The following STAMBP variants were observed in gnomAD, a reference collection of about 807,000 sequenced individuals.
STAMBP encodes the protein STAM binding protein.
A neutral mutation model predicts 50.7 loss-of-function variants in STAMBP; 31 were observed. The ratio of observed to expected loss-of-function variants is 0.61; its 90% CI spans 0.46 to 0.83. STAMBP has a LOEUF of 0.83. STAMBP is among the 40% of genes least tolerant of loss of function. The probability of loss-of-function intolerance (pLI) is 0.00; values close to 1 mark genes in which losing one functional copy is unlikely to be tolerated. For synonymous variants in STAMBP, 211 were observed against 192.4 expected (o/e 1.10, Z -0.80); for missense variants, 472 against 518.9 (o/e 0.91, Z 0.88).
chr2:73,834,217 AAAAAAAAAAAAAAAAAAAAATAT>A (rs1558557227), intron 2 of STAMBP, among the ~76,000 whole-genome samples: 2 of 16,286 alleles, frequency 1.2e-4, no homozygotes, highest in Non-Finnish European at 1.0e-4. Flanking sequence ...CTTAAAAAAA[AAAAAAAAAAAAAAAAAAAAATAT>A]ATATATATAT....
intron 2 of STAMBP, among the ~76,000 whole-genome samples, chr2:73,838,598 G>A (rs1294441667): frequency 6.6e-6 from 1 of 152,156 alleles, no homozygotes; most frequent in Non-Finnish European, 1.5e-5. Context: ...AGAGGGGATA[G>A]GATTAAGAGT....
chr2:73,834,938 C>T (rs566619389), intron 2 of STAMBP, among the ~76,000 whole-genome samples: 1 of 152,288 alleles, frequency 6.6e-6, no homozygotes, highest in African/African-American at 2.4e-5. Flanking sequence ...CCAGGTAAGG[C>T]TGGAGAGGCA....
In STAMBP at chr2:73,834,223, AAAAAAAAAAAAAAATATATATATAT is replaced by A. The variant is rs1433738844; in HGVS notation, c.203+3166_203+3190del. On this transcript the variant is annotated intron_variant, in intron 2 of 9. Transcript: ENST00000394070. ...AGATCATGTCTTAAAAAAAAAAAAA[AAAAAAAAAAAAAAATATATATATAT>A]ATATATATATATATATATATATATA... Among the ~76,000 whole-genome samples the A allele has an allele frequency of 3.6e-3, 94 of 25,958 alleles. 3 individuals carry two copies. Among genetic ancestry groups the A allele is most frequent in the African/African-American group, 9.7e-3 (89 of 9,144 alleles). 17.0% of individuals were successfully genotyped at this position (25,958 alleles called of 152,430 possible).
chr2:73,873,397 G>A (rs530586142), exon 11 of STAMBP: 33 of 152,316 alleles, frequency 2.2e-4, no homozygotes, highest in African/African-American at 7.7e-4. Flanking sequence ...TTACTACATG[G>A]ATTCCCACTT....
intron 2 of STAMBP, among the ~76,000 whole-genome samples, chr2:73,832,108 T>TATATATATATACAC (rs1006072205): frequency 2.4e-5 from 3 of 122,902 alleles, no homozygotes; most frequent in African/African-American, 7.0e-5. Flanking sequence ...TATATATATA[T>TATATATATATACAC]ACACATATAT....
chr2:73,831,407 C>A (rs1355623302), intron 2 of STAMBP, among the ~76,000 whole-genome samples: 1 of 152,158 alleles, frequency 6.6e-6, no homozygotes, highest in African/African-American at 2.4e-5. Context: ...TTGTTGGGGT[C>A]TAGCAGAGCC....
chr2:73,849,040 A>G (rs1404036185), intron 5 of STAMBP, among the ~76,000 whole-genome samples: 1 of 152,214 alleles, frequency 6.6e-6, no homozygotes, highest in Non-Finnish European at 1.5e-5. Flanking sequence ...CCTTTGAGTT[A>G]CAAACAATCC....
intron 8 of STAMBP, 80 bp from the exon 9 acceptor site, chr2:73,859,972 C>A: frequency 2.1e-6 from 2 of 958,564 alleles, no homozygotes; most frequent in Non-Finnish European, 3.3e-6. Flanking sequence ...AGTGTGCATG[C>A]TGGTGTGTGT....
chr2:73,856,766 C>G (rs1346155846), intron 7 of STAMBP, among the ~76,000 whole-genome samples: 1 of 152,186 alleles, frequency 6.6e-6, no homozygotes, highest in Admixed American at 6.5e-5. Context: ...ACAAACAACC[C>G]CCTCTTCTGT....
chr2:73,849,261 TC>T, intron 5 of STAMBP, 101 bp from the exon 6 acceptor site: 1 of 1,567,918 alleles, frequency 6.4e-7, no homozygotes, highest in East Asian at 2.2e-5. Flanking sequence ...GTTGGGGGAA[TC>T]CCAGTGGCTT....
At chr2:73,871,564 ATTCT>A (rs1464543375), downstream of STAMBP, among the ~76,000 whole-genome samples, 5 of 150,236 alleles carry the variant, frequency 3.3e-5, no homozygotes, top group African/African-American at 9.8e-5. Context: ...AAAAAAAAAA[ATTCT>A]TTTAATTGCA....
chr2:73,872,592 A>C lies in STAMBP; in HGVS notation c.*46-760A>C, dbSNP rs553217414. 5.9e-5 allele frequency among the ~76,000 whole-genome samples: 9 copies of C among 152,358 alleles called. No homozygotes were observed. The South Asian group carries it at 8.3e-4, about 14-fold the overall frequency. ...TCTCACAGTGCAAGAGCAATTCATGATCAATGAGTGTACGCAGAATCATGA... is the reference window on the plus strand; with the variant it reads ...TCTCACAGTGCAAGAGCAATTCATGCTCAATGAGTGTACGCAGAATCATGA... On this transcript the variant is annotated intron_variant, in intron 10 of 10. Transcript: ENST00000409707.
At chr2:73,841,951 G>T in intron 2 of STAMBP, among the ~76,000 whole-genome samples, 1 of 151,860 alleles carries the variant, frequency 6.6e-6, no homozygotes, top group Non-Finnish European at 1.5e-5. Context: ...GGTCTGGGAG[G>T]TTTTTTTTGT....
chr2:73,862,146 A>C, intron 9 of STAMBP, 57 bp from the exon 10 acceptor site: 1 of 1,542,692 alleles, frequency 6.5e-7, no homozygotes, highest in Non-Finnish European at 8.8e-7. Context: ...GAAGAAAAAA[A>C]AAAAAAAGAC....
At chr2:73,831,943 G>T (rs1361403229) in intron 2 of STAMBP, among the ~76,000 whole-genome samples, 1 of 151,836 alleles carries the variant, frequency 6.6e-6, no homozygotes, top group African/African-American at 2.4e-5. Context: ...TTCAGGATTT[G>T]TTCTACAACA....
At chr2:73,831,946 C>T (rs1573233034) in intron 2 of STAMBP, among the ~76,000 whole-genome samples, 2 of 151,856 alleles carry the variant, frequency 1.3e-5, no homozygotes, top group African/African-American at 4.8e-5. Flanking sequence ...AGGATTTGTT[C>T]TACAACATAG....
intron 2 of STAMBP, among the ~76,000 whole-genome samples, chr2:73,832,108 T>TATATATATATATATACATAC (rs1006072205): frequency 4.1e-5 from 5 of 122,896 alleles, no homozygotes; most frequent in Admixed American, 3.4e-4. Context: ...TATATATATA[T>TATATATATATATATACATAC]ACACATATAT....
intron 2 of STAMBP, among the ~76,000 whole-genome samples, chr2:73,840,952 C>A (rs974500194): frequency 2.6e-5 from 4 of 152,070 alleles, no homozygotes; most frequent in Non-Finnish European, 4.4e-5. Flanking sequence ...ATTTCTCTAC[C>A]AGGTATAATT....
intron 2 of STAMBP, among the ~76,000 whole-genome samples, chr2:73,844,320 T>G (rs943645777): frequency 1.3e-5 from 2 of 152,216 alleles, no homozygotes; most frequent in African/African-American, 4.8e-5. Context: ...CAAAGTAGTA[T>G]TCTTCTTTGA....
Sources: allele counts gnomAD v4.1 joint callset (sites outside exome capture counted in the v4.1 genomes callset), GRCh38; gene constraint gnomAD v4.1.1; transcripts MANE v1.5; gene names NCBI Gene and HGNC (gene_info 2026-07-23, HGNC 2026-07-21).